MAST3: variants seen among roughly 807,000 people sequenced by gnomAD.
MAST3 encodes the protein microtubule-associated serine/threonine-protein kinase 3.
Under a neutral mutation model 127.0 loss-of-function variants are expected in MAST3, and 43 were observed. The observed-to-expected ratio is 0.34, with a 90% confidence interval of 0.27 to 0.44. The LOEUF is 0.44. Ranked by LOEUF, MAST3 falls within the 20% of genes least tolerant of loss-of-function variation. The pLI, the probability that MAST3 is intolerant of heterozygous loss-of-function variation, is 1.00. For missense variants in MAST3, 1,390 were observed against 1,919.1 expected (o/e 0.72, Z 5.15); for synonymous variants, 785 against 809.2 (o/e 0.97, Z 0.51).
chr19:18,132,022 G>A lies in MAST3; in HGVS notation c.1546G>A (p.Val516Met). The change falls in exon 15 of 28, where the codon GTG becomes ATG. Residue 516 changes from valine (V) to methionine (M), a missense_variant. By Grantham distance (21) the Val-to-Met change is conservative. Around this residue, in one of 5 missense-constraint regions of MAST3, gnomAD observed 191 missense variants for 409.0 expected, o/e 0.47. Transcript: ENST00000687212. ...GGAGTACCTGCATAACTATGGCATC[G>A]TGCACCGTGACCTCAAACCAGACAA... ...ALEYLHNYGI[V>M]HRDLKPDNLL... 6.2e-7 allele frequency: 1 copy of A among 1,614,158 alleles called. No homozygotes were observed. Among genetic ancestry groups the A allele is most frequent in the Non-Finnish European group, 8.5e-7 (1 of 1,180,020 alleles).
intron 3 of MAST3, among the ~76,000 whole-genome samples, chr19:18,111,964 C>T (rs1458043568): frequency 6.6e-6 from 1 of 152,204 alleles, no homozygotes; most frequent in Admixed American, 6.5e-5. Context: ...ATAAAGAAAA[C>T]ATAGTCCCTC....
At position 18,123,273 on chromosome 19, in the gene MAST3, C is replaced by T. The variant is rs202244090; in HGVS notation, c.456C>T (p.Asp152=). ...AGCTTCCCTTCCAGCCGACGCCGGA[C>T]GAGCTGCACTTCCTGTCCAAGCACT... is the stretch of plus-strand genomic sequence containing the variant. ...LHQLPFQPTP[D]ELHFLSKHFR... The change falls in exon 7 of 28, where the codon GAC becomes GAT. Residue 152 remains aspartate, a synonymous_variant. Coordinates refer to ENST00000687212, the MANE Select transcript of MAST3 (RefSeq NM_001393504.1). 38 of 1,613,918 alleles carry T rather than the reference C, an allele frequency of 2.4e-5. No individual in the cohort carries two copies. Among genetic ancestry groups the T allele is most frequent in the South Asian group, 1.3e-4 (12 of 91,084 alleles).
chr19:18,109,461 G>A (rs1311675023), intron 2 of MAST3, among the ~76,000 whole-genome samples: 9 of 152,198 alleles, frequency 5.9e-5, no homozygotes, highest in African/African-American at 2.2e-4. Context: ...CAAAGTCCTG[G>A]ACCTTGGGGC....
chr19:18,142,021 T>G lies in MAST3; in HGVS notation c.2339+6T>G, dbSNP rs778355120. ...CGGCTGAGTGCTGACATCCGGTAAG[T>G]GGCCTGGGGAAGTGTAGGCAGATCC... On this transcript the variant is annotated splice_donor_region_variant and intron_variant, in intron 21 of 27. Transcript: ENST00000687212. 3.2e-5 allele frequency: 46 copies of G among 1,460,018 alleles called. No individual in the cohort carries two copies. The highest frequency in any genetic ancestry group is 4.3e-5 in the African/African-American group (3 of 69,918). 90.4% of individuals were successfully genotyped at this position (1,460,018 alleles called of 1,614,324 possible).
At chr19:18,137,416 C>G in intron 19 of MAST3, 55 bp downstream of exon 19, 1 of 1,573,036 alleles carries the variant, frequency 6.4e-7, no homozygotes, top group African/African-American at 1.3e-5. Context: ...ATCCCTCAGT[C>G]CCTGGGGGCA....
chr19:18,123,739 T>TG, intron 8 of MAST3, 84 bp downstream of exon 8: 1 of 1,211,916 alleles, frequency 8.3e-7, no homozygotes, highest in African/African-American at 1.5e-5. Flanking sequence ...TTCCTGGCTA[T>TG]GTCCCCTTTG....
intron 3 of MAST3, among the ~76,000 whole-genome samples, chr19:18,116,592 G>C (rs2039288491): frequency 2.1e-5 from 3 of 141,814 alleles, no homozygotes; most frequent in Non-Finnish European, 4.6e-5. Context: ...ACCACGCCCA[G>C]CCGAAATTAT....
rs1167433198 is a variant in MAST3 at position 18,102,249 on chromosome 19, C to T, written c.39+4418C>T. ...AGGCTGGAGTGCAATGGCACGATCT[C>T]GGCTCACCGCAACCTCTGCCCCCGA... On this transcript the variant is annotated intron_variant, in intron 1 of 27. Transcript: ENST00000687212. Among the ~76,000 whole-genome samples the T allele has an allele frequency of 6.0e-5, 9 of 151,198 alleles. No individual in the cohort carries two copies. In the East Asian group the frequency reaches 1.4e-3, roughly 23 times the overall value.
At position 18,146,826 on chromosome 19, in the gene MAST3, A is replaced by G. The variant is rs1381555874; in HGVS notation, c.3163-55A>G. The stretch of plus-strand genomic sequence containing the variant: ...GAAGGGGACATAGCAGCTGCCTGGC[A>G]AGTGCTGGGCCCTGTGAGAGGCACA... On this transcript the variant is annotated intron_variant, in intron 25 of 27. Transcript: ENST00000687212. The G allele has an allele frequency of 2.0e-6, 3 of 1,484,294 alleles. No individual in the cohort carries two copies. The East Asian group carries it at 7.5e-5, about 37-fold the overall frequency. The allele number at this position is 1,484,294 out of a possible 1,614,324, so 91.9% of individuals were successfully genotyped here.
At chr19:18,125,841 C>T (rs1336763443) in intron 11 of MAST3, among the ~76,000 whole-genome samples, 1 of 151,806 alleles carries the variant, frequency 6.6e-6, no homozygotes, top group Non-Finnish European at 1.5e-5. Flanking sequence ...GGGTGGATCA[C>T]TTGAGGTCAG....
chr19:18,128,647 G>A (rs540255279), intron 12 of MAST3, among the ~76,000 whole-genome samples, 189 bp downstream of exon 12: 109 of 152,362 alleles, frequency 7.2e-4, no homozygotes, highest in Non-Finnish European at 3.4e-4. Context: ...TGCTGGAGGG[G>A]CACTGGACAG....
chr19:18,130,174 T>C (rs1343467852), intron 13 of MAST3, among the ~76,000 whole-genome samples: 1 of 151,728 alleles, frequency 6.6e-6, no homozygotes. Context: ...CGTGATCTCA[T>C]GACTGTGCTC....
intron 1 of MAST3, among the ~76,000 whole-genome samples, chr19:18,105,507 T>A (rs1262091355): frequency 6.8e-6 from 1 of 146,064 alleles, no homozygotes. Context: ...AAGACTAGCC[T>A]GGGTAACATG....
intron 2 of MAST3, 23 bp downstream of exon 2, chr19:18,107,641 G>A (rs1438276370): frequency 7.5e-6 from 12 of 1,610,172 alleles, no homozygotes; most frequent in East Asian, 2.2e-5. Flanking sequence ...GGGACTGGCG[G>A]GCTGGGTGGG....
intron 18 of MAST3, among the ~76,000 whole-genome samples, chr19:18,136,159 C>T (rs1289384769): frequency 1.3e-5 from 2 of 152,176 alleles, no homozygotes; most frequent in South Asian, 4.1e-4. Flanking sequence ...TTCCCAGCCA[C>T]CTGGTTAATC....
chr19:18,116,680 C>T (rs1224461956), intron 3 of MAST3, among the ~76,000 whole-genome samples: 1 of 131,420 alleles, frequency 7.6e-6, no homozygotes. Context: ...GAGGCCAAGG[C>T]GGGAGGATCA....
intron 1 of MAST3, among the ~76,000 whole-genome samples, chr19:18,101,532 A>T (rs1169581378): frequency 6.6e-6 from 1 of 152,030 alleles, no homozygotes; most frequent in African/African-American, 2.4e-5. Flanking sequence ...CTGGGCATGG[A>T]CTGGTGTTTT....
chr19:18,098,589 T>A (rs1397368871), intron 1 of MAST3, among the ~76,000 whole-genome samples: 1 of 152,040 alleles, frequency 6.6e-6, no homozygotes, highest in Non-Finnish European at 1.5e-5. Flanking sequence ...ACACAGGGAC[T>A]ACATGACCCC....
chr19:18,126,973 G>T (rs1350691536), intron 11 of MAST3, among the ~76,000 whole-genome samples: 4 of 151,346 alleles, frequency 2.6e-5, no homozygotes, highest in African/African-American at 9.7e-5. Context: ...GTAGAGGCGG[G>T]GTTTCACTGT....
Sources: allele counts gnomAD v4.1 joint callset (sites outside exome capture counted in the v4.1 genomes callset), GRCh38; gene constraint gnomAD v4.1.1; regional missense constraint gnomAD v4.1.1; transcripts MANE v1.5; gene names NCBI Gene and HGNC (gene_info 2026-07-23, HGNC 2026-07-21).